The following KLHL1 variants were observed in gnomAD, a reference collection of about 807,000 sequenced individuals.
KLHL1 encodes kelch like family member 1.
In KLHL1, 47 loss-of-function variants were observed where a neutral mutation model predicts 77.7. The observed-to-expected ratio is 0.60, with a 90% CI of 0.48 to 0.77. The LOEUF (loss-of-function observed/expected upper bound fraction) is 0.77, where lower values mean the gene tolerates loss of function less well. Ranked by LOEUF, KLHL1 falls within the 30% of genes least tolerant of loss-of-function variation. The probability of loss-of-function intolerance (pLI) is 0.00; values close to 1 mark genes in which losing one functional copy is unlikely to be tolerated. For missense variants in KLHL1, 925 were observed against 910.8 expected, an observed-to-expected ratio of 1.02 and a Z score of -0.20; for synonymous variants, 360 against 325.2, an observed-to-expected ratio of 1.11 and a Z score of -1.15.
intron 1 of KLHL1, among the ~76,000 whole-genome samples, chr13:70,075,764 T>G (rs1198343195): frequency 6.9e-6 from 1 of 145,426 alleles, no homozygotes; most frequent in African/African-American, 2.5e-5. Context: ...CACACACATA[T>G]ATATATATAC....
intron 1 of KLHL1, among the ~76,000 whole-genome samples, chr13:70,077,660 T>A (rs540980404): frequency 6.6e-6 from 1 of 152,180 alleles, no homozygotes; most frequent in East Asian, 1.9e-4. Context: ...GATGTGTTAA[T>A]AATAGGGGAA....
chr13:69,898,143 T>A (rs1881714573), intron 4 of KLHL1, among the ~76,000 whole-genome samples: 1 of 152,236 alleles, frequency 6.6e-6, no homozygotes, highest in Non-Finnish European at 1.5e-5. Flanking sequence ...AGGAGATTAA[T>A]GTGCTCTCCA....
chr13:69,822,719 T>C (rs1036454118), intron 6 of KLHL1, among the ~76,000 whole-genome samples: 1 of 152,276 alleles, frequency 6.6e-6, no homozygotes, highest in African/African-American at 2.4e-5. Flanking sequence ...TTAAGAATAG[T>C]ATAATATTTG....
intron 7 of KLHL1, among the ~76,000 whole-genome samples, chr13:69,789,306 A>G (rs1876742406): frequency 6.6e-6 from 1 of 151,482 alleles, no homozygotes; most frequent in Non-Finnish European, 1.5e-5. Flanking sequence ...GGGTAACTTG[A>G]CAAAATAAGT....
intron 1 of KLHL1, among the ~76,000 whole-genome samples, chr13:69,980,354 C>T (rs1011243277): frequency 2.6e-5 from 4 of 152,020 alleles, no homozygotes; most frequent in Admixed American, 2.0e-4. Context: ...GTGTTTTTAT[C>T]TCTTCCCATT....
chr13:69,842,307 A>ATTTGT (rs1879296141), intron 5 of KLHL1, among the ~76,000 whole-genome samples: 1 of 151,828 alleles, frequency 6.6e-6, no homozygotes, highest in African/African-American at 2.4e-5. Context: ...AAGAGAGGAC[A>ATTTGT]AATACGCAGA....
chr13:69,879,399 G>A (rs1251882316), intron 5 of KLHL1, among the ~76,000 whole-genome samples: 2 of 151,554 alleles, frequency 1.3e-5, no homozygotes, highest in Admixed American at 6.6e-5. Context: ...AACATATTGT[G>A]TTTGAAATTC....
chr13:69,776,167 T>C (rs1011317143), intron 7 of KLHL1, among the ~76,000 whole-genome samples: 1 of 150,800 alleles, frequency 6.6e-6, no homozygotes, highest in African/African-American at 2.5e-5. Flanking sequence ...GAAAAAAAAA[T>C]AAAAATAAAA....
intron 1 of KLHL1, among the ~76,000 whole-genome samples, chr13:70,097,586 T>G (rs116226159): frequency 0.025 from 3,857 of 152,148 alleles, 118 homozygotes; most frequent in African/African-American, 0.072. Context: ...GACCTCTTTA[T>G]GTAGAATCTA....
intron 4 of KLHL1, among the ~76,000 whole-genome samples, chr13:69,939,346 T>TATATATATATATATATATATAC (rs1883284016): frequency 2.8e-5 from 1 of 35,572 alleles, no homozygotes; most frequent in African/African-American, 1.4e-4. Context: ...CATACATATA[T>TATATATATATATATATATATAC]ATATATATAT....
chr13:69,881,728 T>C (rs1880997274), intron 5 of KLHL1, among the ~76,000 whole-genome samples: 1 of 151,482 alleles, frequency 6.6e-6, no homozygotes, highest in Admixed American at 6.6e-5. Context: ...ACTTGGTGTC[T>C]AGAGGCTTCT....
chr13:70,026,820 T>TA (rs1286963924), intron 1 of KLHL1, among the ~76,000 whole-genome samples: 14 of 151,054 alleles, frequency 9.3e-5, no homozygotes, highest in African/African-American at 2.9e-4. Flanking sequence ...TGTTAATGGA[T>TA]AAAATATAGT....
chr13:70,024,057 G>GTGTTGTTGATA (rs1885870936), intron 1 of KLHL1, among the ~76,000 whole-genome samples: 1 of 151,776 alleles, frequency 6.6e-6, no homozygotes, highest in Non-Finnish European at 1.5e-5. Flanking sequence ...ATGTATTAGG[G>GTGTTGTTGATA]TGTTTTAAAG....
rs761229443 is a variant in KLHL1 at position 69,940,190 on chromosome 13, T to C, written c.864A>G (p.Ala288=). The C allele has an allele frequency of 1.9e-5, 31 of 1,612,596 alleles. No individual in the cohort carries two copies. Among genetic ancestry groups the C allele is most frequent in the Non-Finnish European group, 2.5e-5 (30 of 1,179,474 alleles). The change falls in exon 4 of 11, where the codon GCA becomes GCG. Residue 288 remains alanine, a synonymous_variant. Coordinates refer to ENST00000377844, the MANE Select transcript of KLHL1 (RefSeq NM_020866.3). The part of the protein sequence containing the change: ...KEDTIENLLA[A]ACLLQLPQVV... ...CCTGTGGAAGCTGAAGAAGGCACGCTGCAGCAAGAAGGTTCTCAATGGTGT... is the reference window on the plus strand; with the variant it reads ...CCTGTGGAAGCTGAAGAAGGCACGCCGCAGCAAGAAGGTTCTCAATGGTGT...
At chr13:69,786,145 T>G (rs1876531622) in intron 7 of KLHL1, among the ~76,000 whole-genome samples, 1 of 152,194 alleles carries the variant, frequency 6.6e-6, no homozygotes, top group Non-Finnish European at 1.5e-5. Flanking sequence ...GAATCCTCCC[T>G]AACTCATTGT....
At chr13:69,929,850 C>G (rs534356063) in intron 4 of KLHL1, among the ~76,000 whole-genome samples, 2 of 151,840 alleles carry the variant, frequency 1.3e-5, no homozygotes, top group Admixed American at 6.6e-5. Flanking sequence ...AATGGCAACT[C>G]TTGATTACCA....
intron 7 of KLHL1, among the ~76,000 whole-genome samples, chr13:69,765,117 AATT>A (rs1875230817): frequency 1.3e-5 from 2 of 150,912 alleles, no homozygotes; most frequent in Non-Finnish European, 3.0e-5. Context: ...ATGCCTGGCT[AATT>A]ATTATTTTTC....
At chr13:69,715,726 A>G (rs1876091755) in intron 9 of KLHL1, among the ~76,000 whole-genome samples, 1 of 152,076 alleles carries the variant, frequency 6.6e-6, no homozygotes, top group Non-Finnish European at 1.5e-5. Context: ...ACAGAAAAAC[A>G]ATGACAACAA....
Position 69,931,614 on chromosome 13 carries a change from T to C in KLHL1, c.1014+8426A>G, listed in dbSNP as rs542595639. 3.9e-5 allele frequency among the ~76,000 whole-genome samples: 6 copies of C among 151,952 alleles called. No homozygotes were observed. In the East Asian group the frequency reaches 1.2e-3, roughly 29 times the overall value. ...ACACATTTGGCTTAGTATTATTTCT[T>C]CCTTTAGTATGTGACCTCTTTGTTG... On this transcript the variant is annotated intron_variant, in intron 4 of 10. Transcript: ENST00000377844.
Sources: gnomAD v4.1 joint callset for allele counts (sites outside exome capture counted in the v4.1 genomes callset) on GRCh38, gnomAD v4.1.1 for gene constraint, MANE v1.5 for transcripts, NCBI Gene and HGNC (gene_info 2026-07-23, HGNC 2026-07-21) for gene names.